SNX8: variants seen among roughly 807,000 people sequenced by gnomAD.
The protein encoded by SNX8 is sorting nexin 8, also known as sorting nexin-8.
Under a neutral mutation model 51.6 loss-of-function variants are expected in SNX8, and 25 were observed. The ratio of observed to expected loss-of-function variants is 0.48; its 90% CI spans 0.35 to 0.68. SNX8 has a LOEUF of 0.68. SNX8 is among the 30% of genes least tolerant of loss of function. The pLI is 0.00. For synonymous variants in SNX8, 324 were observed against 277.0 expected, an observed-to-expected ratio of 1.17 and a Z score of -1.68; for missense variants, 695 against 624.0, an observed-to-expected ratio of 1.11 and a Z score of -1.21.
At chr7:2,346,543 C>G (rs555174904) in intron 1 of SNX8, among the ~76,000 whole-genome samples, 3 of 151,102 alleles carry the variant, frequency 2.0e-5, no homozygotes, top group Non-Finnish European at 4.4e-5. Context: ...GTCAGGAGAT[C>G]GAGACCATCC....
At chr7:2,309,156 C>T (rs1405294908) in intron 1 of SNX8, among the ~76,000 whole-genome samples, 1 of 152,104 alleles carries the variant, frequency 6.6e-6, no homozygotes, top group African/African-American at 2.4e-5. Flanking sequence ...AACTCCTGGC[C>T]TGAAGTGATC....
At chr7:2,259,249 C>T (rs1485668409) in intron 7 of SNX8, among the ~76,000 whole-genome samples, 1 of 152,196 alleles carries the variant, frequency 6.6e-6, no homozygotes, top group Admixed American at 6.5e-5. Context: ...CAAGCCAGGC[C>T]GATGGCAGGT....
rs1371086021 is a variant in SNX8 at position 2,305,918 on chromosome 7, A to T, written c.94+8410T>A. 2.0e-5 allele frequency among the ~76,000 whole-genome samples: 3 copies of T among 151,988 alleles called. No individual in the cohort carries two copies. The East Asian group carries it at 5.8e-4, about 29-fold the overall frequency. On this transcript the variant is annotated intron_variant, in intron 1 of 10. Transcript: ENST00000222990. ...CAACGTAGTGAGTCCCTGTCTCTAC[A>T]AAATAAAAAATAAAGACAGCGGCAC...
At chr7:2,331,927 C>T (rs916114104) in intron 1 of SNX8, among the ~76,000 whole-genome samples, 4 of 151,102 alleles carry the variant, frequency 2.6e-5, no homozygotes, top group Admixed American at 1.3e-4. Flanking sequence ...ATTACAAGGC[C>T]GGGCGTGGTG....
intron 1 of SNX8, among the ~76,000 whole-genome samples, chr7:2,329,079 C>G (rs1232216782): frequency 2.8e-5 from 4 of 142,308 alleles, no homozygotes; most frequent in African/African-American, 1.0e-4. Context: ...GAGTGAGACT[C>G]TGTCTCAAAA....
chr7:2,352,839 A>T (rs956065786), intron 1 of SNX8, among the ~76,000 whole-genome samples: 15 of 136,036 alleles, frequency 1.1e-4, no homozygotes, highest in African/African-American at 4.0e-4. Context: ...CCGTCTAAAT[A>T]AAAAAAAAAA....
chr7:2,295,705 T>C (rs1422419005), intron 1 of SNX8, among the ~76,000 whole-genome samples: 1 of 152,116 alleles, frequency 6.6e-6, no homozygotes, highest in East Asian at 1.9e-4. Context: ...AATGTTATCT[T>C]CTAGAGTTGT....
At chr7:2,296,122 G>C (rs1796268389) in intron 1 of SNX8, among the ~76,000 whole-genome samples, 1 of 152,132 alleles carries the variant, frequency 6.6e-6, no homozygotes, top group Admixed American at 6.6e-5. Context: ...AATGACGTTG[G>C]TATCTTGGTA....
intron 1 of SNX8, among the ~76,000 whole-genome samples, chr7:2,334,349 G>A (rs530563310): frequency 6.6e-6 from 1 of 152,066 alleles, no homozygotes; most frequent in East Asian, 1.9e-4. Context: ...GTTGCAGTGA[G>A]CTGAGATCGC....
chr7:2,300,832 G>A (rs1397035110), intron 1 of SNX8, among the ~76,000 whole-genome samples: 4 of 151,876 alleles, frequency 2.6e-5, no homozygotes, highest in African/African-American at 7.3e-5. Context: ...TAGTAGAGAC[G>A]GGGTTTCACC....
intron 1 of SNX8, among the ~76,000 whole-genome samples, chr7:2,332,098 T>C (rs115799316): frequency 0.013 from 1,970 of 151,528 alleles, 37 homozygotes; most frequent in African/African-American, 0.045. Flanking sequence ...TTCCAGCTAG[T>C]TGGCAGGCTG....
At chr7:2,298,984 T>G (rs1796333788) in intron 1 of SNX8, among the ~76,000 whole-genome samples, 1 of 152,088 alleles carries the variant, frequency 6.6e-6, no homozygotes, top group African/African-American at 2.4e-5. Context: ...TGACCCACCA[T>G]GCCTGGTCTG....
chr7:2,348,123 T>G (rs1779067717), intron 1 of SNX8, among the ~76,000 whole-genome samples: 1 of 152,000 alleles, frequency 6.6e-6, no homozygotes. Flanking sequence ...AGAAACTAAG[T>G]AAAAAAAGCA....
chr7:2,256,835 G>A (rs1173416153), intron 10 of SNX8, 39 bp downstream of exon 10: 2 of 1,587,084 alleles, frequency 1.3e-6, no homozygotes, highest in Admixed American at 1.7e-5. Context: ...ACAAAGAAAG[G>A]CCGTGGCCGA....
intron 1 of SNX8, among the ~76,000 whole-genome samples, chr7:2,344,207 A>C (rs910744086): frequency 6.6e-6 from 1 of 151,744 alleles, no homozygotes; most frequent in African/African-American, 2.4e-5. Context: ...CAAAAACAAG[A>C]AAAGGAAAAT....
chr7:2,259,992 AAAAAAGG>A (rs1373423425), intron 7 of SNX8, among the ~76,000 whole-genome samples: 2 of 152,174 alleles, frequency 1.3e-5, no homozygotes, highest in African/African-American at 4.8e-5. Context: ...TAAAAAAAAC[AAAAAAGG>A]AAAAAAGAAA....
At chr7:2,300,217 G>A (rs1312861789) in intron 1 of SNX8, among the ~76,000 whole-genome samples, 1 of 152,150 alleles carries the variant, frequency 6.6e-6, no homozygotes, top group Admixed American at 6.6e-5. Context: ...TCCAAGATTG[G>A]TTAACCAGGA....
intron 1 of SNX8, among the ~76,000 whole-genome samples, chr7:2,289,390 C>T (rs1306921673): frequency 6.6e-6 from 1 of 152,164 alleles, no homozygotes; most frequent in African/African-American, 2.4e-5. Context: ...TTTCAGTTTT[C>T]CAAAGTGACT....
intron 1 of SNX8, among the ~76,000 whole-genome samples, chr7:2,344,072 C>T (rs572212977): frequency 6.6e-6 from 1 of 151,212 alleles, no homozygotes; most frequent in African/African-American, 2.4e-5. Context: ...GGTGTGGTGC[C>T]GTGCGCCTGT....
Sources: gnomAD v4.1 joint callset for allele counts (sites outside exome capture counted in the v4.1 genomes callset) on GRCh38, gnomAD v4.1.1 for gene constraint, MANE v1.5 for transcripts, NCBI Gene and HGNC (gene_info 2026-07-23, HGNC 2026-07-21) for gene names.